MTMR3: variants seen among roughly 807,000 people sequenced by gnomAD.
MTMR3 encodes myotubularin related protein 3, also known as phosphatidylinositol-3,5-bisphosphate 3-phosphatase MTMR3.
In MTMR3, 32 loss-of-function variants were observed where a neutral mutation model predicts 132.4. That is an observed-to-expected ratio of 0.24 (90% CI 0.18 to 0.32). The LOEUF (loss-of-function observed/expected upper bound fraction) is 0.32. Among genes scored for constraint, MTMR3 ranks in the 10% least tolerant of loss-of-function variants. The probability of loss-of-function intolerance (pLI) is 1.00; values close to 1 mark genes in which losing one functional copy is unlikely to be tolerated. For synonymous variants in MTMR3, 556 were observed against 550.3 expected (o/e 1.01, Z -0.14); for missense variants, 1,216 against 1,489.6 (o/e 0.82, Z 3.02).
chr22:29,954,167 G>T (rs370491841), intron 1 of MTMR3, among the ~76,000 whole-genome samples: 12 of 144,012 alleles, frequency 8.3e-5, no homozygotes, highest in Non-Finnish European at 1.2e-4. Context: ...CTGCAACCTC[G>T]GACTCCTGGG....
At chr22:30,004,424 C>T (rs2067234665) in intron 9 of MTMR3, 1 of 152,082 alleles carries the variant, frequency 6.6e-6, no homozygotes, top group African/African-American at 2.4e-5. Context: ...GTGAATTCTC[C>T]CTTTGGGAAG....
chr22:30,013,834 C>T (rs1011475584), intron 14 of MTMR3: 1 of 286,412 alleles, frequency 3.5e-6, no homozygotes, highest in South Asian at 3.5e-5. Flanking sequence ...AATGTCTGGA[C>T]CATACTCCCT....
In MTMR3 at chr22:29,913,790, C is replaced by T. The variant is rs191252446; in HGVS notation, c.-138+30431C>T. The stretch of plus-strand genomic sequence containing the variant: ...TATTTGAGACGGAGTCTCGCTCTGT[C>T]GCCCAGGCTGGAGTGCGGTGGCGAG... On this transcript the variant is annotated intron_variant, in intron 1 of 19. Coordinates refer to ENST00000401950, the MANE Select transcript of MTMR3 (RefSeq NM_021090.4). 3.1e-4 allele frequency among the ~76,000 whole-genome samples: 47 copies of T among 151,634 alleles called. No individual in the cohort carries two copies. The East Asian group carries it at 4.1e-3, about 13-fold the overall frequency.
At chr22:29,914,290 G>C (rs950991612) in intron 1 of MTMR3, among the ~76,000 whole-genome samples, 3 of 152,158 alleles carry the variant, frequency 2.0e-5, no homozygotes, top group Non-Finnish European at 2.9e-5. Flanking sequence ...ACTAACTTAA[G>C]TCATTCTAGT....
intron 7 of MTMR3, chr22:29,998,104 T>C (rs932418600): frequency 6.6e-6 from 1 of 152,240 alleles, no homozygotes; most frequent in Non-Finnish European, 1.5e-5. Flanking sequence ...AAGTAGCCAG[T>C]GTAGGACAAG....
intron 1 of MTMR3, among the ~76,000 whole-genome samples, chr22:29,937,439 A>G (rs1244873549): frequency 1.4e-5 from 2 of 143,196 alleles, no homozygotes; most frequent in Admixed American, 7.1e-5. Flanking sequence ...TTTTTGAGTC[A>G]GGGTCTTGCT....
At chr22:30,008,290 C>G in intron 11 of MTMR3, 1 of 372,530 alleles carries the variant, frequency 2.7e-6, no homozygotes, top group South Asian at 3.6e-5. Flanking sequence ...AGCAGATCTT[C>G]CCCATAATAA....
intron 5 of MTMR3, chr22:29,984,343 C>T (rs1290396047): frequency 6.6e-6 from 1 of 152,148 alleles, no homozygotes; most frequent in Non-Finnish European, 1.5e-5. Context: ...TGTATGCACA[C>T]ACACCCAGAA....
chr22:29,938,983 G>A (rs1332368037), intron 1 of MTMR3, among the ~76,000 whole-genome samples: 2 of 151,878 alleles, frequency 1.3e-5, no homozygotes, highest in African/African-American at 4.8e-5. Context: ...CACCACGCCC[G>A]GCTAATTTTT....
intron 1 of MTMR3, among the ~76,000 whole-genome samples, chr22:29,901,593 G>T (rs1164435472): frequency 6.6e-6 from 1 of 152,138 alleles, no homozygotes; most frequent in African/African-American, 2.4e-5. Context: ...CCTTTCTATA[G>T]TCAGCCCATT....
intron 1 of MTMR3, among the ~76,000 whole-genome samples, chr22:29,925,525 A>G (rs2065498112): frequency 6.6e-6 from 1 of 151,686 alleles, no homozygotes; most frequent in African/African-American, 2.4e-5. Flanking sequence ...GTAAGAATGT[A>G]AAAATAATAC....
intron 1 of MTMR3, among the ~76,000 whole-genome samples, chr22:29,883,561 A>G (rs2064598010): frequency 6.7e-6 from 1 of 149,862 alleles, no homozygotes; most frequent in Admixed American, 6.6e-5. Flanking sequence ...TGGGTGTGGG[A>G]GTGGGAATGG....
intron 1 of MTMR3, among the ~76,000 whole-genome samples, chr22:29,930,866 T>C (rs575401196): frequency 2.9e-4 from 44 of 151,428 alleles, no homozygotes; most frequent in Admixed American, 5.3e-4. Context: ...AATTAGCTGG[T>C]CATGCTGATG....
intron 3 of MTMR3, 41 bp from the exon 4 acceptor site, chr22:29,978,401 T>C: frequency 6.6e-7 from 1 of 1,523,630 alleles, no homozygotes; most frequent in Non-Finnish European, 9.1e-7. Context: ...TATGAATGAT[T>C]AGAAGCTTTG....
intron 1 of MTMR3, among the ~76,000 whole-genome samples, chr22:29,887,359 A>G (rs1347830179): frequency 6.6e-6 from 1 of 152,194 alleles, no homozygotes; most frequent in African/African-American, 2.4e-5. Context: ...GGATCAAACA[A>G]TAGTGTATAT....
chr22:29,994,123 C>T lies in MTMR3; in HGVS notation c.460+2453C>T, dbSNP rs1056027220. On this transcript the variant is annotated intron_variant, in intron 7 of 19. Coordinates refer to ENST00000401950, the MANE Select transcript of MTMR3 (RefSeq NM_021090.4). ...AATTCAGTAAATGTTTAAGTGCCCC[C>T]TATGTGCCATGCTTATGAAAACACT... 1.0e-5 allele frequency: 10 copies of T among 985,244 alleles called. No individual in the cohort carries two copies. In the African/African-American group the frequency reaches 1.7e-4, roughly 17 times the overall value. The allele number at this position is 985,244 out of a possible 1,614,324, so 61.0% of individuals were successfully genotyped here. A position where few individuals can be genotyped will look rare whatever the true frequency, so the allele number is the denominator to read the frequency against.
chr22:30,022,783 T>TA, intron 19 of MTMR3, 86 bp downstream of exon 19: 1 of 1,200,840 alleles, frequency 8.3e-7, no homozygotes, highest in Admixed American at 2.0e-5. Context: ...GGGTTGTGGG[T>TA]ATCTCAGTGT....
chr22:29,912,732 G>T (rs1569001245), intron 1 of MTMR3, among the ~76,000 whole-genome samples: 3 of 152,214 alleles, frequency 2.0e-5, no homozygotes, highest in Admixed American at 2.0e-4. Context: ...TAGGATCAAT[G>T]TGTAGGAGCT....
chr22:29,914,097 A>C (rs2065265625), intron 1 of MTMR3, among the ~76,000 whole-genome samples: 1 of 152,188 alleles, frequency 6.6e-6, no homozygotes, highest in Non-Finnish European at 1.5e-5. Flanking sequence ...TTTGCAACAT[A>C]GATCTTTGTG....
Sources: allele counts gnomAD v4.1 joint callset (sites outside exome capture counted in the v4.1 genomes callset), GRCh38; gene constraint gnomAD v4.1.1; transcripts MANE v1.5; gene names NCBI Gene and HGNC (gene_info 2026-07-23, HGNC 2026-07-21).